ERICH4: variants seen among roughly 807,000 people sequenced by gnomAD.
ERICH4 encodes the protein glutamate rich 4, also known as glutamate-rich protein 4.
ERICH4 carries 4 observed loss-of-function variants against 5.2 expected under a neutral mutation model. The observed-to-expected ratio is 0.77, with a 90% CI of 0.38 to 1.76. The LOEUF (loss-of-function observed/expected upper bound fraction) is 1.76, where lower values mean the gene tolerates loss of function less well. Among genes scored for constraint, ERICH4 ranks in the 40% most tolerant of loss-of-function variants. The pLI is 0.04. For missense variants in ERICH4, 164 were observed against 159.8 expected (o/e 1.03, Z -0.14); for synonymous variants, 75 against 68.7 (o/e 1.09, Z -0.45).
At chr19:41,443,632 G>A (rs2040136862) in intron 1 of ERICH4, among the ~76,000 whole-genome samples, 1 of 151,974 alleles carries the variant, frequency 6.6e-6, no homozygotes, top group Non-Finnish European at 1.5e-5. Context: ...GGCAGAGAGA[G>A]GGCAAGCGAG....
chr19:41,443,667 A>G (rs1555773459), intron 1 of ERICH4, among the ~76,000 whole-genome samples: 1 of 152,112 alleles, frequency 6.6e-6, no homozygotes. Flanking sequence ...AGGCAGGGGC[A>G]GAGAAATGGC....
Position 41,443,169 on chromosome 19 carries a change from G to T in ERICH4, c.-1G>T. 6.8e-7 allele frequency: 1 copy of T among 1,463,732 alleles called. No homozygotes were observed. The highest frequency in any genetic ancestry group is 9.0e-7 in the Non-Finnish European group (1 of 1,105,852). The allele number at this position is 1,463,732 out of a possible 1,614,324, so 90.7% of individuals were successfully genotyped here. On this transcript the variant is annotated 5_prime_UTR_variant, in exon 1 of 2. Coordinates refer to ENST00000378187, the MANE Select transcript of ERICH4 (RefSeq NM_001130514.3). Reference sequence around the variant, plus strand: ...CTCCTTGCAGCCATAGCTCAGAGACGATGGAACTGTGGAGGCAGCTGAATC... The same window carrying T: ...CTCCTTGCAGCCATAGCTCAGAGACTATGGAACTGTGGAGGCAGCTGAATC...
At chr19:41,443,483 G>A (rs2040135199) in intron 1 of ERICH4, 140 bp downstream of exon 1, 4 of 680,624 alleles carry the variant, frequency 5.9e-6, no homozygotes, top group South Asian at 4.6e-5. Context: ...TACAGACACC[G>A]AGAGACAGAC....
intron 1 of ERICH4, among the ~76,000 whole-genome samples, chr19:41,443,747 CAG>C (rs1394858459): frequency 8.5e-5 from 13 of 152,102 alleles, no homozygotes; most frequent in African/African-American, 2.7e-4. Flanking sequence ...CAAAGGGAAA[CAG>C]GGACAGATAT....
In ERICH4 at chr19:41,444,067, T is replaced by C; in HGVS notation, c.236T>C (p.Met79Thr). ...CAGCTGTGCAGCCTGGGGCTGGAGA[T>C]GGGGGCGCTGCGGGAGGAACTGGTC... is the stretch of plus-strand genomic sequence containing the variant. ...LGQLCSLGLE[M>T]GALREELVTI... The change falls in exon 2 of 2, where the codon ATG (methionine) becomes ACG (threonine). Residue 79 changes from methionine (M) to threonine (T), a missense_variant. Physicochemically the swap from Met to Thr is moderately conservative, Grantham distance 81. Transcript: ENST00000378187. 6.4e-7 allele frequency: 1 copy of C among 1,550,866 alleles called. No homozygotes were observed. The highest frequency in any genetic ancestry group is 8.7e-7 in the Non-Finnish European group (1 of 1,146,740).
chr19:41,443,698 CAG>C (rs2040137900), intron 1 of ERICH4, among the ~76,000 whole-genome samples: 1 of 151,646 alleles, frequency 6.6e-6, no homozygotes, highest in African/African-American at 2.4e-5. Context: ...GACAGAGAGA[CAG>C]GGGCATGGAA....
At position 41,443,164 on chromosome 19, in the gene ERICH4, G is replaced by A. The variant is rs1568532817; in HGVS notation, c.-6G>A. On this transcript the variant is annotated 5_prime_UTR_variant, in exon 1 of 2. Transcript: ENST00000378187. ...TCCTGCTCCTTGCAGCCATAGCTCAGAGACGATGGAACTGTGGAGGCAGCT... is the reference window on the plus strand; with the variant it reads ...TCCTGCTCCTTGCAGCCATAGCTCAAAGACGATGGAACTGTGGAGGCAGCT... The A allele has an allele frequency of 1.4e-6, 2 of 1,452,148 alleles. No individual in the cohort carries two copies. Among genetic ancestry groups the A allele is most frequent in the Non-Finnish European group, 1.8e-6 (2 of 1,100,228 alleles). 90.0% of individuals were successfully genotyped at this position (1,452,148 alleles called of 1,614,324 possible).
intron 1 of ERICH4, among the ~76,000 whole-genome samples, chr19:41,443,548 A>T (rs2040136004): frequency 6.6e-6 from 1 of 151,796 alleles, no homozygotes; most frequent in Non-Finnish European, 1.5e-5. Context: ...AAAGAGAGGG[A>T]CAGAGGTGGG....
chr19:41,443,229 C>T lies in ERICH4; in HGVS notation c.60C>T (p.Pro20=), dbSNP rs1016587087. 6 of 1,463,320 alleles carry T rather than the reference C, an allele frequency of 4.1e-6. No homozygotes were observed. The African/African-American group carries it at 7.3e-5, about 18-fold the overall frequency. The allele number at this position is 1,463,320 out of a possible 1,614,324, so 90.6% of individuals were successfully genotyped here. A position where few individuals can be genotyped will look rare whatever the true frequency, so the allele number is the denominator to read the frequency against. The change falls in exon 1 of 2, where the codon CCC becomes CCT. Residue 20 remains proline (P), a synonymous_variant. Coordinates refer to ENST00000378187, the MANE Select transcript of ERICH4 (RefSeq NM_001130514.3). The part of the protein sequence containing the change: ...AGLVPPGLGP[P]PQALREVSPV... Reference sequence around the variant, plus strand: ...TGGTGCCTCCGGGGCTGGGCCCACCCCCCCAGGCCCTGAGGGAGGTCTCCC... The same window carrying T: ...TGGTGCCTCCGGGGCTGGGCCCACCTCCCCAGGCCCTGAGGGAGGTCTCCC...
At position 41,443,983 on chromosome 19, in the gene ERICH4, TGAC is replaced by T; in HGVS notation, c.175-21_175-19del. ...CTTGCTCTCTGGGGTGGCATCCCTG[TGAC>T]GTCCCCTTCCTACTGGCAGGGGAAC... is the stretch of plus-strand genomic sequence containing the variant. On this transcript the variant is annotated intron_variant, in intron 1 of 1. Coordinates refer to ENST00000378187, the MANE Select transcript of ERICH4 (RefSeq NM_001130514.3). 1 of 1,540,742 alleles carries T rather than the reference TGAC, an allele frequency of 6.5e-7. No homozygotes were observed. Among genetic ancestry groups the T allele is most frequent in the Non-Finnish European group, 8.8e-7 (1 of 1,139,834 alleles).
chr19:41,443,779 CAG>C (rs782077246), intron 1 of ERICH4, among the ~76,000 whole-genome samples: 2 of 151,860 alleles, frequency 1.3e-5, no homozygotes, highest in Admixed American at 6.6e-5. Context: ...AGGGAGGAGA[CAG>C]AGAGAGAGAA....
At chr19:41,443,865 G>A (rs560477851) in intron 1 of ERICH4, 141 bp from the exon 2 acceptor site, 7 of 615,588 alleles carry the variant, frequency 1.1e-5, no homozygotes, top group African/African-American at 1.8e-5. Context: ...CAGGAAGGCA[G>A]TTAGGGTCCA....
At chr19:41,443,971 G>T (rs1555773510) in intron 1 of ERICH4, 35 bp from the exon 2 acceptor site, 6 of 1,517,068 alleles carry the variant, frequency 4.0e-6, no homozygotes, top group Non-Finnish European at 3.6e-6. Flanking sequence ...GCTCTCTGGG[G>T]TGGCATCCCT....
In ERICH4 at chr19:41,444,338, T is replaced by G; in HGVS notation, c.*114T>G. 1.7e-6 allele frequency: 2 copies of G among 1,146,130 alleles called. No homozygotes were observed. The highest frequency in any genetic ancestry group is 2.5e-6 in the Non-Finnish European group (2 of 793,710). 71.0% of individuals were successfully genotyped at this position (1,146,130 alleles called of 1,614,324 possible). A position where few individuals can be genotyped will look rare whatever the true frequency, so the allele number is the denominator to read the frequency against. On this transcript the variant is annotated 3_prime_UTR_variant, in exon 2 of 2. Coordinates refer to ENST00000378187, the MANE Select transcript of ERICH4 (RefSeq NM_001130514.3). ...GAATCAAGTATACCCCTTTAGTAAG[T>G]GCTTTCTCTGAAGGTGCCTGCAATG...
At chr19:41,443,688 GAC>G (rs2040137588) in intron 1 of ERICH4, among the ~76,000 whole-genome samples, 1 of 151,854 alleles carries the variant, frequency 6.6e-6, no homozygotes, top group African/African-American at 2.4e-5. Flanking sequence ...AACACATAAA[GAC>G]AGAGAGACAG....
rs1307599385 is a variant in ERICH4 at position 41,443,393 on chromosome 19, A to G, written c.174+50A>G. 3.1e-6 allele frequency: 4 copies of G among 1,279,826 alleles called. No homozygotes were observed. In the East Asian group the frequency reaches 1.3e-4, roughly 40 times the overall value. The allele number at this position is 1,279,826 out of a possible 1,614,324, so 79.3% of individuals were successfully genotyped here. A position where few individuals can be genotyped will look rare whatever the true frequency, so the allele number is the denominator to read the frequency against. On this transcript the variant is annotated intron_variant, in intron 1 of 1. Coordinates refer to ENST00000378187, the MANE Select transcript of ERICH4 (RefSeq NM_001130514.3). ...AGAGAAAGAGAGGAAATGAGAATGAATGGAAATGAACAAAAATAGAGAAGG... is the reference window on the plus strand; with the variant it reads ...AGAGAAAGAGAGGAAATGAGAATGAGTGGAAATGAACAAAAATAGAGAAGG...
chr19:41,443,390 T>C (rs2040134122), intron 1 of ERICH4, 47 bp downstream of exon 1: 1 of 1,269,750 alleles, frequency 7.9e-7, no homozygotes, highest in African/African-American at 1.6e-5. Flanking sequence ...GAAATGAGAA[T>C]GAATGGAAAT....
Position 41,443,869 on chromosome 19 carries a change from G to A in ERICH4, c.175-137G>A, listed in dbSNP as rs138270657. 4.0e-3 allele frequency: 2,448 copies of A among 618,636 alleles called. 5 individuals carry two copies. The highest frequency in any genetic ancestry group is 5.6e-3 in the Non-Finnish European group (1,974 of 351,988). The allele number at this position is 618,636 out of a possible 1,614,324, so 38.3% of individuals were successfully genotyped here. A position where few individuals can be genotyped will look rare whatever the true frequency, so the allele number is the denominator to read the frequency against. On this transcript the variant is annotated intron_variant, in intron 1 of 1. Coordinates refer to ENST00000378187, the MANE Select transcript of ERICH4 (RefSeq NM_001130514.3). Reference sequence around the variant, plus strand: ...ACTCTGAGAAGCAGGAAGGCAGTTAGGGTCCATGGGCACAGTGAGGACCCT... The same window carrying A: ...ACTCTGAGAAGCAGGAAGGCAGTTAAGGTCCATGGGCACAGTGAGGACCCT...
At position 41,444,371 on chromosome 19, in the gene ERICH4, G is replaced by A. The variant is rs2040148859; in HGVS notation, c.*147G>A. ...CTGAAGGTGCCTGCAATGATATTTA[G>A]GCATTGGCCTGTGAGCTATGGGTGT... On this transcript the variant is annotated 3_prime_UTR_variant, in exon 2 of 2. Coordinates refer to ENST00000378187, the MANE Select transcript of ERICH4 (RefSeq NM_001130514.3). 5.0e-6 allele frequency: 4 copies of A among 798,194 alleles called. 1 individual carries two copies. The African/African-American group carries it at 6.8e-5, about 14-fold the overall frequency. 49.4% of individuals were successfully genotyped at this position (798,194 alleles called of 1,614,324 possible).
Sources: gnomAD v4.1 joint callset for allele counts (sites outside exome capture counted in the v4.1 genomes callset) on GRCh38, gnomAD v4.1.1 for gene constraint, MANE v1.5 for transcripts, NCBI Gene and HGNC (gene_info 2026-07-23, HGNC 2026-07-21) for gene names.